The following SLC1A7 variants were observed in gnomAD, a reference collection of about 807,000 sequenced individuals.
SLC1A7 encodes the protein solute carrier family 1 member 7.
In SLC1A7, 40 loss-of-function variants were observed where a neutral mutation model predicts 47.7. That is an observed-to-expected ratio of 0.84 (90% CI 0.65 to 1.09). SLC1A7 has a LOEUF of 1.09. SLC1A7 is among the 50% of genes least tolerant of loss of function. The pLI, the probability that SLC1A7 is intolerant of heterozygous loss-of-function variation, is 0.00. For synonymous variants in SLC1A7, 323 were observed against 325.6 expected (o/e 0.99, Z 0.09); for missense variants, 746 against 769.5 (o/e 0.97, Z 0.36).
intron 3 of SLC1A7, among the ~76,000 whole-genome samples, chr1:53,110,607 C>T (rs528596580): frequency 2.0e-5 from 3 of 152,302 alleles, no homozygotes; most frequent in Admixed American, 6.5e-5. Flanking sequence ...GTGAAGGAGG[C>T]AGCACCGATA....
chr1:53,139,479 T>TG (rs1306649384), intron 1 of SLC1A7, among the ~76,000 whole-genome samples: 7 of 152,176 alleles, frequency 4.6e-5, no homozygotes, highest in African/African-American at 1.7e-4. Flanking sequence ...TCTGGTTCCT[T>TG]GGGGCAGGCA....
At chr1:53,103,879 G>C (rs1241777420) in intron 4 of SLC1A7, among the ~76,000 whole-genome samples, 1 of 151,894 alleles carries the variant, frequency 6.6e-6, no homozygotes, top group Non-Finnish European at 1.5e-5. Context: ...ATCCACCCAA[G>C]TAACCCTTTA....
chr1:53,138,238 C>T (rs1326193571), intron 1 of SLC1A7, among the ~76,000 whole-genome samples: 2 of 152,160 alleles, frequency 1.3e-5, no homozygotes, highest in Non-Finnish European at 2.9e-5. Context: ...CAAAGATCAT[C>T]AGTTTATCTC....
chr1:53,140,573 A>C (rs1444329689), intron 1 of SLC1A7, among the ~76,000 whole-genome samples: 2 of 152,202 alleles, frequency 1.3e-5, no homozygotes, highest in Non-Finnish European at 2.9e-5. Context: ...GCGGGGTTAC[A>C]GTTACTTTCA....
At chr1:53,121,889 G>A (rs1197250755) in intron 2 of SLC1A7, among the ~76,000 whole-genome samples, 5 of 152,180 alleles carry the variant, frequency 3.3e-5, no homozygotes, top group Non-Finnish European at 7.3e-5. Context: ...CCGGGGGCTG[G>A]TGGAGGCTGC....
rs527843860 is a variant in SLC1A7 at position 53,129,893 on chromosome 1, A to G, written c.215+4457T>C. 3.9e-4 allele frequency among the ~76,000 whole-genome samples: 37 copies of G among 94,874 alleles called. 5 individuals carry two copies. Among genetic ancestry groups the G allele is most frequent in the Admixed American group, 3.2e-3 (30 of 9,340 alleles). 62.2% of individuals were successfully genotyped at this position (94,874 alleles called of 152,430 possible). ...CTGATCCCCTCCTGGGATCTCAGAA[A>G]AAAACAAAGATGCACACGACCCTGC... is the stretch of plus-strand genomic sequence containing the variant. On this transcript the variant is annotated intron_variant, in intron 2 of 10. Transcript: ENST00000371494.
rs138190929 is a variant in SLC1A7 at position 53,114,874 on chromosome 1, G to A, written c.315C>T (p.Ile105=). 1.2e-5 allele frequency: 19 copies of A among 1,614,074 alleles called. No homozygotes were observed. The highest frequency in any genetic ancestry group is 2.7e-5 in the African/African-American group (2 of 74,942). The change falls in exon 3 of 11, where the codon ATC becomes ATT. Residue 105 remains isoleucine, a synonymous_variant. Coordinates refer to ENST00000371494, the MANE Select transcript of SLC1A7 (RefSeq NM_006671.6). The part of the protein sequence containing the change: ...YYLWTTFMAV[I]VGIFMVSIIH... ...TGATGGAGACCATGAAGATGCCCAC[G>A]ATGACAGCCATGAAGGTGGTCCACA...
intron 1 of SLC1A7, among the ~76,000 whole-genome samples, chr1:53,141,920 A>T (rs919665643): frequency 2.0e-5 from 3 of 151,792 alleles, no homozygotes; most frequent in Admixed American, 6.6e-5. Flanking sequence ...ATCTGCTGTC[A>T]CCTCTGCCTA....
At chr1:53,120,977 G>T (rs1644813931) in intron 2 of SLC1A7, among the ~76,000 whole-genome samples, 1 of 152,284 alleles carries the variant, frequency 6.6e-6, no homozygotes, top group African/African-American at 2.4e-5. Context: ...GTGTGCCTCA[G>T]TTTCCACTGA....
intron 2 of SLC1A7, 108 bp downstream of exon 2, chr1:53,134,242 C>T (rs1320372286): frequency 2.7e-6 from 2 of 737,446 alleles, no homozygotes; most frequent in Non-Finnish European, 4.6e-6. Context: ...ACACTCATCC[C>T]AGGGCCTGTG....
chr1:53,092,684 C>G lies in SLC1A7; in HGVS notation c.901G>C (p.Val301Leu), dbSNP rs1340442710. The G allele has an allele frequency of 6.2e-7, 1 of 1,614,106 alleles. No individual in the cohort carries two copies. The highest frequency in any genetic ancestry group is 2.2e-5 in the East Asian group (1 of 44,884). Residue 301 changes from valine to leucine, a missense_variant, in exon 7 of 11, where the codon GTG (valine) becomes CTG (leucine). Val to Leu is a conservative substitution (Grantham distance 32, BLOSUM62 1). Coordinates refer to ENST00000371494, the MANE Select transcript of SLC1A7 (RefSeq NM_006671.6). ...KKLGFYSVTVVCGLVLHGLFI... is the reference protein window; with the variant it reads ...KKLGFYSVTVLCGLVLHGLFI... ...AGCCCGTGGAGCACCAGCCCGCACA[C>G]CACGGTGACTGAGTAGAAGCCCAGC...
rs1337243312 is a variant in SLC1A7 at position 53,097,092 on chromosome 1, C to T, written c.698-3532G>A. On this transcript the variant is annotated intron_variant, in intron 5 of 10. Coordinates refer to ENST00000371494, the MANE Select transcript of SLC1A7 (RefSeq NM_006671.6). ...CACTGCCTCAGTACGCTCACACACA[C>T]TGCCTCGGCACACTCACAGAACCCG... Among the ~76,000 whole-genome samples the T allele has an allele frequency of 2.6e-5, 4 of 151,426 alleles. No homozygotes were observed. In the East Asian group the frequency reaches 7.8e-4, roughly 29 times the overall value.
intron 1 of SLC1A7, among the ~76,000 whole-genome samples, chr1:53,138,829 T>C (rs1203823420): frequency 6.6e-6 from 1 of 152,202 alleles, no homozygotes; most frequent in Non-Finnish European, 1.5e-5. Flanking sequence ...ATTTTTATCT[T>C]AGTTCTTCTA....
chr1:53,093,019 G>T (rs1644443020), intron 6 of SLC1A7, among the ~76,000 whole-genome samples: 1 of 152,202 alleles, frequency 6.6e-6, no homozygotes, highest in Non-Finnish European at 1.5e-5. Context: ...CCTGCCTTCA[G>T]GAGGCCCCCA....
chr1:53,111,765 G>C (rs1644703197), intron 3 of SLC1A7, among the ~76,000 whole-genome samples: 2 of 152,178 alleles, frequency 1.3e-5, no homozygotes. Context: ...AGTTTTCCAG[G>C]CTGGAGACTA....
intron 1 of SLC1A7, among the ~76,000 whole-genome samples, chr1:53,141,488 C>T (rs1645055716): frequency 2.0e-5 from 3 of 152,022 alleles, no homozygotes; most frequent in South Asian, 4.1e-4. Flanking sequence ...GTCCTTAACA[C>T]CATGGGAATG....
intron 2 of SLC1A7, among the ~76,000 whole-genome samples, chr1:53,126,099 T>A (rs1236925715): frequency 6.6e-6 from 1 of 152,090 alleles, no homozygotes; most frequent in Non-Finnish European, 1.5e-5. Flanking sequence ...AGCCTTGGAG[T>A]GGGTTGCTGT....
At chr1:53,127,038 G>GTTTTTTTTTTTTTTTTTTTT (rs61456544) in intron 2 of SLC1A7, among the ~76,000 whole-genome samples, 5 of 97,564 alleles carry the variant, frequency 5.1e-5, no homozygotes, top group Admixed American at 1.4e-4. Flanking sequence ...AATTTTAAAA[G>GTTTTTTTTTTTTTTTTTTTT]TTTTTTTTTT....
intron 1 of SLC1A7, among the ~76,000 whole-genome samples, chr1:53,134,631 C>T (rs1261599064): frequency 6.6e-6 from 1 of 152,170 alleles, no homozygotes; most frequent in African/African-American, 2.4e-5. Flanking sequence ...CAATCCCCCA[C>T]AAGCTGTGTG....
Sources: allele counts gnomAD v4.1 joint callset (sites outside exome capture counted in the v4.1 genomes callset), GRCh38; gene constraint gnomAD v4.1.1; transcripts MANE v1.5; gene names NCBI Gene and HGNC (gene_info 2026-07-23, HGNC 2026-07-21).